The following GPC5 variants were observed in gnomAD, a reference collection of about 807,000 sequenced individuals.
GPC5 encodes glypican 5.
A neutral mutation model predicts 53.9 loss-of-function variants in GPC5; 47 were observed. That is an observed-to-expected ratio of 0.87 (90% CI 0.69 to 1.11). The LOEUF is 1.11. Ranked by LOEUF, GPC5 falls within the 50% of genes most tolerant of loss-of-function variation. The probability of loss-of-function intolerance (pLI) is 0.00; values close to 1 mark genes in which losing one functional copy is unlikely to be tolerated. For synonymous variants in GPC5, 286 were observed against 263.3 expected (o/e 1.09, Z -0.84); for missense variants, 748 against 713.1 (o/e 1.05, Z -0.56).
rs547174742 is a variant in GPC5 at position 92,742,239 on chromosome 13, A to G, written c.1562-124043A>G. ...GTTCCTATTTCTCCACATCCTCTCC[A>G]GCACCTGTTGTTTCCTGACTTTTTA... On this transcript the variant is annotated intron_variant, in intron 7 of 7. Coordinates refer to ENST00000377067, the MANE Select transcript of GPC5 (RefSeq NM_004466.6). Among the ~76,000 whole-genome samples the G allele has an allele frequency of 9.7e-3, 1,467 of 151,320 alleles. 19 individuals carry two copies. The highest frequency in any genetic ancestry group is 0.033 in the African/African-American group (1,355 of 41,304).
chr13:92,386,819 C>T (rs1874749721), intron 7 of GPC5, among the ~76,000 whole-genome samples: 1 of 151,984 alleles, frequency 6.6e-6, no homozygotes, highest in African/African-American at 2.4e-5. Flanking sequence ...CGGTTAAAAA[C>T]TTACTATATT....
intron 7 of GPC5, among the ~76,000 whole-genome samples, chr13:92,372,017 G>A (rs1464313630): frequency 3.3e-5 from 5 of 152,102 alleles, no homozygotes; most frequent in African/African-American, 9.7e-5. Context: ...GCAAGAAAAC[G>A]GTGACCGCAG....
chr13:92,263,035 A>T (rs1227877087), intron 7 of GPC5, among the ~76,000 whole-genome samples: 1 of 152,150 alleles, frequency 6.6e-6, no homozygotes, highest in East Asian at 1.9e-4. Context: ...CTTGGTTTAT[A>T]TTTTTATGAC....
rs12861784 is a variant in GPC5 at position 92,372,678 on chromosome 13, G to T, written c.1561+227689G>T. On this transcript the variant is annotated intron_variant, in intron 7 of 7. Transcript: ENST00000377067. ...ACAACCTTGACCTTGATATATTTCT[G>T]TCCTATTTTTCTGTAGAGTATCTTT... 9.1e-3 allele frequency among the ~76,000 whole-genome samples: 1,376 copies of T among 151,960 alleles called. 21 individuals are homozygous for T. Among genetic ancestry groups the T allele is most frequent in the Middle Eastern group, 0.048 (14 of 294 alleles).
chr13:92,231,797 C>G (rs2042531927), intron 7 of GPC5, among the ~76,000 whole-genome samples: 1 of 152,038 alleles, frequency 6.6e-6, no homozygotes, highest in Non-Finnish European at 1.5e-5. Context: ...GAAACCCCAT[C>G]TCTACTAAAA....
chr13:91,601,784 T>C (rs1156296338), intron 2 of GPC5, among the ~76,000 whole-genome samples: 1 of 152,198 alleles, frequency 6.6e-6, no homozygotes, highest in African/African-American at 2.4e-5. Context: ...TGGTGAGTTG[T>C]ATAATTATTT....
At chr13:92,105,597 T>C (rs1594765231) in intron 6 of GPC5, among the ~76,000 whole-genome samples, 1 of 152,034 alleles carries the variant, frequency 6.6e-6, no homozygotes, top group East Asian at 1.9e-4. Context: ...TCAAGGTATG[T>C]TCTTACTTGG....
intron 2 of GPC5, among the ~76,000 whole-genome samples, chr13:91,654,790 T>C (rs1321577476): frequency 3.9e-5 from 6 of 152,204 alleles, no homozygotes. Context: ...TTTTACCCTA[T>C]TATTAAGGCT....
At chr13:92,671,362 T>C (rs1383045494) in intron 7 of GPC5, among the ~76,000 whole-genome samples, 2 of 152,202 alleles carry the variant, frequency 1.3e-5, no homozygotes, top group African/African-American at 4.8e-5. Context: ...GCTTTAAAAG[T>C]ATACATAATT....
chr13:91,538,029 G>A (rs990963822), intron 2 of GPC5, among the ~76,000 whole-genome samples: 1 of 152,208 alleles, frequency 6.6e-6, no homozygotes, highest in African/African-American at 2.4e-5. Context: ...TGCATACAAT[G>A]AAATATTCAG....
intron 7 of GPC5, among the ~76,000 whole-genome samples, chr13:92,372,169 A>T (rs2139295562): frequency 6.6e-6 from 1 of 152,282 alleles, no homozygotes; most frequent in African/African-American, 2.4e-5. Context: ...CACCTAGCAG[A>T]GGCCTCTGTA....
intron 5 of GPC5, among the ~76,000 whole-genome samples, chr13:91,802,506 C>T (rs1194870085): frequency 6.6e-6 from 1 of 152,114 alleles, no homozygotes; most frequent in Non-Finnish European, 1.5e-5. Context: ...GGAAGGGGAC[C>T]CAAGCAGGTT....
At chr13:92,655,077 A>G (rs959909878) in intron 7 of GPC5, among the ~76,000 whole-genome samples, 42 of 152,282 alleles carry the variant, frequency 2.8e-4, no homozygotes, top group African/African-American at 9.9e-4. Context: ...ATTTTCCCTC[A>G]GAGCCTTCAG....
intron 2 of GPC5, among the ~76,000 whole-genome samples, chr13:91,670,613 C>A (rs1005834003): frequency 6.6e-6 from 1 of 152,170 alleles, no homozygotes; most frequent in Admixed American, 6.5e-5. Context: ...TGCAACACCT[C>A]CAGCTGTCTA....
intron 2 of GPC5, among the ~76,000 whole-genome samples, chr13:91,635,537 A>C (rs1226565660): frequency 1.3e-5 from 2 of 152,024 alleles, no homozygotes; most frequent in Non-Finnish European, 2.9e-5. Flanking sequence ...CCTTTATGCT[A>C]TCTGGTTATT....
At chr13:91,840,685 CACTTT>C (rs1227779546) in intron 5 of GPC5, among the ~76,000 whole-genome samples, 9 of 151,366 alleles carry the variant, frequency 5.9e-5, no homozygotes, top group African/African-American at 2.2e-4. Context: ...CTACTGGAGG[CACTTT>C]ACTTAATTTT....
chr13:92,094,239 G>A (rs892373752), intron 6 of GPC5, among the ~76,000 whole-genome samples: 1 of 151,998 alleles, frequency 6.6e-6, no homozygotes, highest in African/African-American at 2.4e-5. Context: ...CTTTTCGGCC[G>A]GGCACGGTGG....
chr13:92,039,136 C>G (rs1468953640), intron 6 of GPC5, among the ~76,000 whole-genome samples: 1 of 152,088 alleles, frequency 6.6e-6, no homozygotes, highest in Non-Finnish European at 1.5e-5. Flanking sequence ...GAGAGAAAGA[C>G]AAGAGGAGCA....
chr13:91,515,803 A>T (rs898081211), intron 2 of GPC5, among the ~76,000 whole-genome samples: 6 of 152,138 alleles, frequency 3.9e-5, no homozygotes, highest in African/African-American at 1.2e-4. Flanking sequence ...CACGCTTCTG[A>T]TAAAGACATA....
Sources: gnomAD v4.1 joint callset for allele counts (sites outside exome capture counted in the v4.1 genomes callset) on GRCh38, gnomAD v4.1.1 for gene constraint, MANE v1.5 for transcripts, NCBI Gene and HGNC (gene_info 2026-07-23, HGNC 2026-07-21) for gene names.